ARVCF: variants seen among roughly 807,000 people sequenced by gnomAD.
The protein encoded by ARVCF is splicing regulator ARVCF.
Under a neutral mutation model 90.9 loss-of-function variants are expected in ARVCF, and 66 were observed. The ratio of observed to expected loss-of-function variants is 0.73; its 90% CI spans 0.60 to 0.89. The LOEUF is 0.89. Among genes scored for constraint, ARVCF ranks in the 40% least tolerant of loss-of-function variants. The probability of loss-of-function intolerance (pLI) is 0.00; values close to 1 mark genes in which losing one functional copy is unlikely to be tolerated. For missense variants in ARVCF, 1,469 were observed against 1,382.3 expected (o/e 1.06, Z -1.00); for synonymous variants, 653 against 603.4 (o/e 1.08, Z -1.21).
intron 2 of ARVCF, among the ~76,000 whole-genome samples, chr22:19,995,343 G>A (rs905167040): frequency 6.6e-6 from 1 of 151,832 alleles, no homozygotes; most frequent in African/African-American, 2.4e-5. Context: ...GGTGGATGGA[G>A]GAGTGGATGA....
At chr22:19,969,712 G>A (rs1429312322), downstream of ARVCF, 1 of 488,594 alleles carries the variant, frequency 2.0e-6, no homozygotes, top group Non-Finnish European at 2.7e-6. Flanking sequence ...TGGATAGACA[G>A]ACCAGTGAGC....
intron 2 of ARVCF, among the ~76,000 whole-genome samples, chr22:19,998,612 G>T (rs1944338783): frequency 6.6e-6 from 1 of 152,148 alleles, no homozygotes; most frequent in South Asian, 2.1e-4. Flanking sequence ...GAGCTGGGGG[G>T]TTCCTGCTTT....
chr22:19,973,548 C>T lies in ARVCF; in HGVS notation c.2239+95G>A, dbSNP rs547657125. The stretch of plus-strand genomic sequence containing the variant: ...CCAAGCGAGAGGGCCGGGGCCTGGA[C>T]TCCCAAACCACTCATCCTCCAAGCC... On this transcript the variant is annotated intron_variant, in intron 13 of 19. Transcript: ENST00000263207. 3.2e-5 allele frequency: 49 copies of T among 1,514,428 alleles called. No homozygotes were observed. The African/African-American group carries it at 6.5e-4, about 20-fold the overall frequency. 93.8% of individuals were successfully genotyped at this position (1,514,428 alleles called of 1,614,324 possible).
At chr22:20,002,078 C>T (rs957729444) in intron 2 of ARVCF, among the ~76,000 whole-genome samples, 9 of 152,208 alleles carry the variant, frequency 5.9e-5, no homozygotes, top group Admixed American at 3.3e-4. Context: ...CACAGAAAAA[C>T]GGCCAGAAAC....
rs890797405 is a variant in ARVCF at position 19,970,092 on chromosome 22, T to A, written c.*664A>T. The A allele has an allele frequency of 5.1e-6, 5 of 985,312 alleles. No individual in the cohort carries two copies. In the African/African-American group the frequency reaches 8.7e-5, roughly 17 times the overall value. 61.0% of individuals were successfully genotyped at this position (985,312 alleles called of 1,614,324 possible). A position where few individuals can be genotyped will look rare whatever the true frequency, so the allele number is the denominator to read the frequency against. On this transcript the variant is annotated 3_prime_UTR_variant, in exon 20 of 20. Transcript: ENST00000263207. ...AGGTGCTGCCCAGGCTCCAGGCAGA[T>A]GCGGCAGCCCCGGCCCCAGCCAGCA...
At chr22:19,997,137 T>A (rs1944283621) in intron 2 of ARVCF, among the ~76,000 whole-genome samples, 1 of 151,938 alleles carries the variant, frequency 6.6e-6, no homozygotes, top group African/African-American at 2.4e-5. Flanking sequence ...AGGGGCTGTG[T>A]GGGGCTGATA....
At chr22:19,982,309 GCC>G (rs986224075) in intron 3 of ARVCF, among the ~76,000 whole-genome samples, 2 of 152,174 alleles carry the variant, frequency 1.3e-5, no homozygotes, top group Non-Finnish European at 2.9e-5. Flanking sequence ...TGCTAACCCT[GCC>G]CCGGCACCCC....
intron 2 of ARVCF, among the ~76,000 whole-genome samples, chr22:20,007,593 T>C (rs1357544773): frequency 6.6e-6 from 1 of 152,198 alleles, no homozygotes; most frequent in African/African-American, 2.4e-5. Flanking sequence ...GGTGTTTAGG[T>C]CACAAGGGCT....
intron 13 of ARVCF, 142 bp from the exon 14 acceptor site, chr22:19,973,459 G>A (rs761213471): frequency 9.1e-6 from 12 of 1,320,640 alleles, no homozygotes; most frequent in Non-Finnish European, 1.2e-5. Flanking sequence ...GCCCCTGTGA[G>A]CAGGGCGCTG....
chr22:19,981,349 C>T lies in ARVCF; in HGVS notation c.758G>A (p.Arg253His), dbSNP rs762820819. The change falls in exon 5 of 20, where the codon CGC becomes CAC. Residue 253 changes from arginine (R) to histidine (H), a missense_variant. Arg to His is a conservative substitution (Grantham distance 29). Coordinates refer to ENST00000263207, the MANE Select transcript of ARVCF (RefSeq NM_001670.3). Reference sequence around the variant, plus strand: ...CAAGCCATACGGCTCTGCCTGGAAGCGCTCGGGCAGGGAGCGGCCACCTGG... The same window carrying T: ...CAAGCCATACGGCTCTGCCTGGAAGTGCTCGGGCAGGGAGCGGCCACCTGG... ...GPPGGRSLPE[R>H]FQAEPYGLED... 6.6e-5 allele frequency: 106 copies of T among 1,605,964 alleles called. No individual in the cohort carries two copies. The highest frequency in any genetic ancestry group is 2.2e-4 in the South Asian group (20 of 90,088).
At chr22:19,986,991 C>G in intron 3 of ARVCF, 1 of 636,438 alleles carries the variant, frequency 1.6e-6, no homozygotes, top group Non-Finnish European at 2.8e-6. Context: ...GGAACAAAAG[C>G]GGGTCCTCCC....
rs1427559737 is a variant in ARVCF, at chr22:19,972,351, C to T, written c.2695+7G>A. The T allele has an allele frequency of 6.2e-7, 1 of 1,613,630 alleles. No homozygotes were observed. Among genetic ancestry groups the T allele is most frequent in the Non-Finnish European group, 8.5e-7 (1 of 1,179,974 alleles). ...CAGAAAACCAACCACACTGCATCTG[C>T]ACTCACCTGGGCCCAGCGCATCCAT... On this transcript the variant is annotated splice_region_variant and intron_variant, in intron 17 of 19. Coordinates refer to ENST00000263207, the MANE Select transcript of ARVCF (RefSeq NM_001670.3).
Position 19,981,551 on chromosome 22 carries a change from C to G in ARVCF, c.556G>C (p.Gly186Arg). ...TCGGGGCCTTCGGGAAAGCCACCCC[C>G]ACTGCTGAGGTAGGCTCGAGAGAGT... ...ATLSRAYLSS[G>R]GGFPEGPEPR... is the part of the protein sequence containing the mutation. The change falls in exon 5 of 20, where the codon GGG (glycine) becomes CGG (arginine). Residue 186 changes from glycine (G) to arginine (R), a missense_variant. Gly to Arg is a moderately radical substitution (Grantham distance 125). Transcript: ENST00000263207. The G allele has an allele frequency of 6.3e-7, 1 of 1,594,104 alleles. No homozygotes were observed. The highest frequency in any genetic ancestry group is 8.5e-7 in the Non-Finnish European group (1 of 1,171,852).
chr22:19,998,008 C>T (rs1489680791), intron 2 of ARVCF, among the ~76,000 whole-genome samples: 1 of 152,232 alleles, frequency 6.6e-6, no homozygotes, highest in African/African-American at 2.4e-5. Flanking sequence ...GGGGTGGGCA[C>T]AGGGACCAAA....
intron 2 of ARVCF, among the ~76,000 whole-genome samples, chr22:19,999,731 G>C (rs1944379819): frequency 6.6e-6 from 1 of 152,170 alleles, no homozygotes; most frequent in Non-Finnish European, 1.5e-5. Context: ...CCGGGACCCT[G>C]AGTGGGAGGG....
rs989368012 is a variant in ARVCF, at chr22:20,012,088, C to G, written c.-72-1580G>C. Reference sequence around the variant, plus strand: ...TCCAGGCCTCCCAAAGTCCCCCCCCCCCACCCAGTTGGGGAAGTGTGACCA... The same window carrying G: ...TCCAGGCCTCCCAAAGTCCCCCCCCGCCACCCAGTTGGGGAAGTGTGACCA... On this transcript the variant is annotated intron_variant, in intron 1 of 19. Coordinates refer to ENST00000263207, the MANE Select transcript of ARVCF (RefSeq NM_001670.3). Among the ~76,000 whole-genome samples the G allele has an allele frequency of 1.7e-3, 234 of 139,232 alleles. 10 individuals carry two copies. The highest frequency in any genetic ancestry group is 4.3e-3 in the East Asian group (22 of 5,114). 91.3% of individuals were successfully genotyped at this position (139,232 alleles called of 152,430 possible).
chr22:19,973,236 T>C lies in ARVCF; in HGVS notation c.2321A>G (p.Asp774Gly), dbSNP rs746878504. Reference protein sequence around the residue: ...PPRPGACLEEDTVVAVLNTIH... With the variant: ...PPRPGACLEEGTVVAVLNTIH... ...GGTGTTGAGCACCGCCACCACGGTG[T>C]CTTCCTCCAGGCAGGCCCCCGGTCG... The change falls in exon 14 of 20, where the codon GAC becomes GGC. Residue 774 changes from aspartate to glycine, a missense_variant. Transcript: ENST00000263207. 6.2e-7 allele frequency: 1 copy of C among 1,610,834 alleles called. No homozygotes were observed.
downstream of ARVCF, chr22:19,968,615 A>G (rs770652365): frequency 6.2e-7 from 1 of 1,614,044 alleles, no homozygotes; most frequent in African/African-American, 1.3e-5. Flanking sequence ...TTCCTAGCAC[A>G]CGTGCGCGGG....
At chr22:20,011,550 C>T (rs2238796) in intron 1 of ARVCF, among the ~76,000 whole-genome samples, 3,001 of 151,994 alleles carry the variant, frequency 0.02, 63 homozygotes, top group East Asian at 0.083. Flanking sequence ...CGACTGGCTA[C>T]GCCTCAGGGT....
Sources: allele counts gnomAD v4.1 joint callset (sites outside exome capture counted in the v4.1 genomes callset), GRCh38; gene constraint gnomAD v4.1.1; transcripts MANE v1.5; gene names NCBI Gene and HGNC (gene_info 2026-07-23, HGNC 2026-07-21).